Variants in DENND1A observed in about 807,000 individuals in gnomAD.
DENND1A encodes the protein DENN domain-containing protein 1A.
Under a neutral mutation model 113.7 loss-of-function variants are expected in DENND1A, and 51 were observed. The observed-to-expected ratio is 0.45, with a 90% CI of 0.36 to 0.57. The LOEUF (loss-of-function observed/expected upper bound fraction) is 0.57. DENND1A is among the 20% of genes least tolerant of loss of function. The pLI is 0.00. For missense variants in DENND1A, 1,258 were observed against 1,395.9 expected (o/e 0.90, Z 1.57); for synonymous variants, 565 against 570.8 (o/e 0.99, Z 0.14).
chr9:123,518,923 C>T (rs1424674428), intron 13 of DENND1A, among the ~76,000 whole-genome samples: 1 of 152,182 alleles, frequency 6.6e-6, no homozygotes, highest in East Asian at 1.9e-4. Context: ...TTGAATAAAA[C>T]CCAAACTCCT....
chr9:123,391,687 T>A (rs1239593346), intron 21 of DENND1A, among the ~76,000 whole-genome samples: 6 of 151,362 alleles, frequency 4.0e-5, no homozygotes, highest in Non-Finnish European at 7.4e-5. Context: ...TACAGTCAGA[T>A]ATTTGTCAGA....
At chr9:123,750,834 G>T (rs891633375) in intron 5 of DENND1A, among the ~76,000 whole-genome samples, 3 of 152,178 alleles carry the variant, frequency 2.0e-5, no homozygotes, top group Non-Finnish European at 4.4e-5. Context: ...ATCAGGCTGT[G>T]CATTTTTGTA....
At chr9:123,557,174 C>G (rs555318914) in intron 13 of DENND1A, among the ~76,000 whole-genome samples, 10 of 152,210 alleles carry the variant, frequency 6.6e-5, no homozygotes, top group Non-Finnish European at 1.5e-4. Context: ...CTGGCTTTTC[C>G]GGGCTAAGTT....
intron 2 of DENND1A, chr9:123,843,485 T>C (rs939640825): frequency 3.7e-5 from 11 of 297,866 alleles, no homozygotes; most frequent in South Asian, 1.7e-4. Flanking sequence ...TTTGGGAGAA[T>C]AGTCTCCAGA....
intron 10 of DENND1A, among the ~76,000 whole-genome samples, chr9:123,613,404 G>T (rs974320747): frequency 1.3e-5 from 2 of 151,628 alleles, no homozygotes; most frequent in Non-Finnish European, 2.9e-5. Flanking sequence ...TAATTCAGAG[G>T]CATAAACGTC....
chr9:123,414,340 C>T, intron 19 of DENND1A: 1 of 1,414,640 alleles, frequency 7.1e-7, no homozygotes, highest in South Asian at 1.6e-5. Flanking sequence ...GTTTCCCTGC[C>T]TCCAGCCTCT....
intron 2 of DENND1A, among the ~76,000 whole-genome samples, chr9:123,811,786 G>T (rs1477022168): frequency 6.6e-6 from 1 of 152,072 alleles, no homozygotes; most frequent in Non-Finnish European, 1.5e-5. Flanking sequence ...AGGTTTGTGG[G>T]TTTGCCTCTT....
intron 19 of DENND1A, among the ~76,000 whole-genome samples, chr9:123,420,606 G>A (rs1391942691): frequency 1.3e-5 from 2 of 152,204 alleles, no homozygotes; most frequent in African/African-American, 4.8e-5. Flanking sequence ...GTGCTGAGCT[G>A]AAAGACATCT....
intron 1 of DENND1A, among the ~76,000 whole-genome samples, chr9:123,913,059 G>A (rs770618354): frequency 9.6e-5 from 14 of 145,796 alleles, no homozygotes; most frequent in Non-Finnish European, 1.8e-4. Flanking sequence ...GCAAAGAAGA[G>A]CAGCCTCCTT....
chr9:123,746,454 C>T (rs530444334), intron 5 of DENND1A, among the ~76,000 whole-genome samples: 81 of 152,118 alleles, frequency 5.3e-4, no homozygotes, highest in African/African-American at 1.8e-3. Flanking sequence ...GTTTGAATAT[C>T]CCTTATCCAA....
At position 123,928,674 on chromosome 9, in the gene DENND1A, G is replaced by A. The variant is rs1857516355; in HGVS notation, c.17+1215C>T. On this transcript the variant is annotated intron_variant, in intron 1 of 23. Coordinates refer to ENST00000394215, the MANE Select transcript of DENND1A (RefSeq NM_001352964.2). ...CATCTCATACATATTTTGTAAATGA[G>A]AAGCCTAACCACACGGGGGACTGCA... 5.1e-6 allele frequency: 5 copies of A among 985,440 alleles called. No homozygotes were observed. In the South Asian group the frequency reaches 2.3e-4, roughly 46 times the overall value. 61.0% of individuals were successfully genotyped at this position (985,440 alleles called of 1,614,324 possible). A position where few individuals can be genotyped will look rare whatever the true frequency, so the allele number is the denominator to read the frequency against.
chr9:123,532,103 A>G (rs1249329314), intron 13 of DENND1A, among the ~76,000 whole-genome samples: 2 of 152,208 alleles, frequency 1.3e-5, no homozygotes, highest in Non-Finnish European at 2.9e-5. Flanking sequence ...GAAACCCTGT[A>G]CAATCAAATG....
intron 2 of DENND1A, chr9:123,843,071 C>A: frequency 3.8e-6 from 2 of 530,690 alleles, no homozygotes; most frequent in South Asian, 2.9e-5. Flanking sequence ...TACTTTATAC[C>A]CATATTTTAT....
intron 11 of DENND1A, among the ~76,000 whole-genome samples, chr9:123,589,506 GTA>G (rs1425943255): frequency 6.6e-6 from 1 of 150,920 alleles, no homozygotes; most frequent in Non-Finnish European, 1.5e-5. Context: ...ACACTTACTA[GTA>G]CTGCGGCACA....
intron 10 of DENND1A, among the ~76,000 whole-genome samples, chr9:123,617,448 C>T (rs1048216128): frequency 7.2e-5 from 11 of 152,304 alleles, no homozygotes; most frequent in African/African-American, 2.6e-4. Context: ...CAATGCCCTT[C>T]TGAGTGTGGC....
At chr9:123,791,124 T>C (rs765418121) in intron 3 of DENND1A, among the ~76,000 whole-genome samples, 77 of 152,168 alleles carry the variant, frequency 5.1e-4, no homozygotes, top group Non-Finnish European at 9.9e-4. Flanking sequence ...CTATTTTAAG[T>C]TTCTCCTATA....
At chr9:123,705,188 CAA>C (rs1168237698) in intron 5 of DENND1A, among the ~76,000 whole-genome samples, 4 of 151,878 alleles carry the variant, frequency 2.6e-5, no homozygotes, top group South Asian at 2.1e-4. Context: ...GTAAATAAAA[CAA>C]GAGCAAAAAA....
At chr9:123,477,513 T>C (rs2050012016) in intron 13 of DENND1A, among the ~76,000 whole-genome samples, 1 of 151,732 alleles carries the variant, frequency 6.6e-6, no homozygotes, top group African/African-American at 2.4e-5. Context: ...GCTGTGATCA[T>C]GCCACTGCAC....
At chr9:123,443,586 C>A (rs1308643231) in intron 18 of DENND1A, among the ~76,000 whole-genome samples, 1 of 152,226 alleles carries the variant, frequency 6.6e-6, no homozygotes, top group African/African-American at 2.4e-5. Flanking sequence ...CTTTACTATT[C>A]CCTCCACCTG....
Sources: gnomAD v4.1 joint callset for allele counts (sites outside exome capture counted in the v4.1 genomes callset) on GRCh38, gnomAD v4.1.1 for gene constraint, MANE v1.5 for transcripts, NCBI Gene and HGNC (gene_info 2026-07-23, HGNC 2026-07-21) for gene names.